Variants in PCDH11Y observed in about 807,000 individuals in gnomAD.
PCDH11Y encodes the protein protocadherin-11 Y-linked.
For missense variants in PCDH11Y, 12 were observed against 224.8 expected, an observed-to-expected ratio of 0.05 and a Z score of 6.05; for synonymous variants, 9 against 83.6, an observed-to-expected ratio of 0.11 and a Z score of 4.87.
intron 2 of PCDH11Y, among the ~76,000 whole-genome samples, chrY:5,274,201 GTAGA>G (rs2053041236): frequency 3.0e-5 from 1 of 33,326 alleles, no homozygotes; most frequent in Non-Finnish European, 7.4e-5. Flanking sequence ...AATAGTATCT[GTAGA>G]TAAACAGGTA....
chrY:5,485,570 T>C, intron 2 of PCDH11Y, among the ~76,000 whole-genome samples: 1 of 30,071 alleles, frequency 3.3e-5, no homozygotes, highest in Non-Finnish European at 7.9e-5. Flanking sequence ...AAATGAGACA[T>C]TTTAAAGACC....
At chrY:5,284,532 T>TTGAC in intron 2 of PCDH11Y, among the ~76,000 whole-genome samples, 1 of 32,748 alleles carries the variant, frequency 3.1e-5, no homozygotes, top group Non-Finnish European at 7.6e-5. Context: ...TATATGCAGC[T>TTGAC]TGACACACAC....
intron 1 of PCDH11Y, among the ~76,000 whole-genome samples, chrY:5,026,104 A>G: frequency 9.1e-5 from 3 of 32,963 alleles, no homozygotes; most frequent in African/African-American, 3.5e-4. Flanking sequence ...TTTATTGTTA[A>G]ATTGTATATT....
At chrY:5,382,921 G>T (rs2124674514) in intron 2 of PCDH11Y, among the ~76,000 whole-genome samples, 1 of 33,458 alleles carries the variant, frequency 3.0e-5, no homozygotes, top group East Asian at 7.9e-4. Flanking sequence ...TATCAAGAAG[G>T]CCGGTCGCGG....
intron 4 of PCDH11Y, among the ~76,000 whole-genome samples, chrY:5,690,210 A>G: frequency 3.0e-5 from 1 of 33,873 alleles, no homozygotes; most frequent in African/African-American, 1.1e-4. Flanking sequence ...ATCTTTGATG[A>G]GTTTTTATAA....
chrY:5,206,058 C>CA (rs2052932072), intron 2 of PCDH11Y, among the ~76,000 whole-genome samples: 11 of 32,404 alleles, frequency 3.4e-4, no homozygotes, highest in Non-Finnish European at 7.5e-4. Context: ...CTTGCTGTTG[C>CA]AAAAAAATGA....
intron 2 of PCDH11Y, among the ~76,000 whole-genome samples, chrY:5,385,710 G>C (rs2053213535): frequency 1.2e-4 from 4 of 33,599 alleles, no homozygotes; most frequent in South Asian, 6.5e-4. Context: ...ATTCTTGTGG[G>C]AGTAAGGTCG....
intron 2 of PCDH11Y, among the ~76,000 whole-genome samples, chrY:5,398,564 A>C: frequency 3.2e-5 from 1 of 30,996 alleles, no homozygotes; most frequent in Non-Finnish European, 7.8e-5. Flanking sequence ...TACAAAGATA[A>C]AAAATTCAAA....
intron 2 of PCDH11Y, among the ~76,000 whole-genome samples, chrY:5,383,181 G>C: frequency 9.1e-5 from 3 of 33,045 alleles, no homozygotes; most frequent in African/African-American, 3.6e-4. Context: ...TCCAGCCTGG[G>C]CAACAAGAGC....
At chrY:5,131,182 TAA>T (rs2052833558) in intron 2 of PCDH11Y, among the ~76,000 whole-genome samples, 2 of 32,788 alleles carry the variant, frequency 6.1e-5, no homozygotes, top group African/African-American at 1.2e-4. Flanking sequence ...TTTATTGTTA[TAA>T]GAGTTATTTT....
At chrY:5,391,896 C>T in intron 2 of PCDH11Y, among the ~76,000 whole-genome samples, 2 of 33,191 alleles carry the variant, frequency 6.0e-5, no homozygotes, top group Non-Finnish European at 1.5e-4. Context: ...TAAACCTGCA[C>T]CTGCATTTCT....
At chrY:5,646,660 T>A (rs2053527459) in intron 4 of PCDH11Y, among the ~76,000 whole-genome samples, 2 of 29,763 alleles carry the variant, frequency 6.7e-5, no homozygotes, top group African/African-American at 2.6e-4. Context: ...AATTAGAAAT[T>A]AAAAAAAAAA....
chrY:5,594,496 C>T (rs2053465614), intron 4 of PCDH11Y, among the ~76,000 whole-genome samples: 1 of 32,522 alleles, frequency 3.1e-5, no homozygotes, highest in African/African-American at 1.2e-4. Context: ...ACACACACAC[C>T]GAGGGGACAC....
At chrY:5,137,971 AT>A (rs2052842898) in intron 2 of PCDH11Y, among the ~76,000 whole-genome samples, 2 of 32,008 alleles carry the variant, frequency 6.2e-5, no homozygotes, top group Admixed American at 2.9e-4. Flanking sequence ...CAGACTATAC[AT>A]TTTTTTTCAG....
At chrY:5,312,425 G>A in intron 2 of PCDH11Y, among the ~76,000 whole-genome samples, 2 of 29,481 alleles carry the variant, frequency 6.8e-5, no homozygotes, top group Admixed American at 3.4e-4. Context: ...ATATGTACTC[G>A]TAATGGCAAA....
At position 5,157,768 on chromosome Y, in the gene PCDH11Y, C is replaced by T. The variant is rs2563200; in HGVS notation, c.3129+57061C>T. Among the ~76,000 whole-genome samples the T allele has an allele frequency of 5.2e-4, 17 of 32,832 alleles. No homozygotes were observed. In the East Asian group the frequency reaches 0.013, roughly 25 times the overall value. 88.1% of individuals were successfully genotyped at this position (32,832 alleles called of 37,273 possible). On this transcript the variant is annotated intron_variant, in intron 2 of 4. Coordinates refer to the PCDH11Y transcript ENST00000400457. Reference sequence around the variant, plus strand: ...TAGTGGCATTCAAATTTTACCAGCACGAGGAGAAAGCTTAGTTCCTTTAGG... The same window carrying T: ...TAGTGGCATTCAAATTTTACCAGCATGAGGAGAAAGCTTAGTTCCTTTAGG...
intron 1 of PCDH11Y, among the ~76,000 whole-genome samples, chrY:5,092,292 C>G: frequency 3.0e-5 from 1 of 32,948 alleles, no homozygotes; most frequent in East Asian, 7.9e-4. Flanking sequence ...TTACACATCA[C>G]TCTCCTTTCC....
intron 2 of PCDH11Y, among the ~76,000 whole-genome samples, chrY:5,407,653 C>T: frequency 9.2e-5 from 3 of 32,599 alleles, no homozygotes; most frequent in African/African-American, 2.4e-4. Flanking sequence ...GTGGCTGAGG[C>T]CTGTAATCCC....
At chrY:5,372,910 CTT>C (rs1602913657) in intron 2 of PCDH11Y, among the ~76,000 whole-genome samples, 336 of 3,898 alleles carry the variant, frequency 0.086, no homozygotes, top group Middle Eastern at 0.2. Flanking sequence ...TCCTTCCTTC[CTT>C]CCTTCCCTCC....
Sources: gnomAD v4.1 joint callset for allele counts (sites outside exome capture counted in the v4.1 genomes callset) on GRCh38, gnomAD v4.1.1 for gene constraint, MANE v1.5 for transcripts, NCBI Gene and HGNC (gene_info 2026-07-23, HGNC 2026-07-21) for gene names.